The following FAM13A variants were observed in gnomAD, a reference collection of about 807,000 sequenced individuals.
The protein encoded by FAM13A is family with sequence similarity 13 member A, also known as protein FAM13A.
In FAM13A, 76 loss-of-function variants were observed where a neutral mutation model predicts 129.6. That is an observed-to-expected ratio of 0.59 (90% CI 0.49 to 0.71). The LOEUF (loss-of-function observed/expected upper bound fraction) is 0.71. FAM13A is among the 30% of genes least tolerant of loss of function. FAM13A has a pLI of 0.00. For synonymous variants in FAM13A, 443 were observed against 449.9 expected, an observed-to-expected ratio of 0.98 and a Z score of 0.20; for missense variants, 1,108 against 1,249.3, an observed-to-expected ratio of 0.89 and a Z score of 1.70.
At chr4:88,812,441 A>C (rs536417312) in intron 7 of FAM13A, among the ~76,000 whole-genome samples, 1 of 152,176 alleles carries the variant, frequency 6.6e-6, no homozygotes, top group African/African-American at 2.4e-5. Context: ...AATCTGGCAC[A>C]TGAAGTCCCT....
chr4:89,026,590 G>A (rs750747395), intron 2 of FAM13A, among the ~76,000 whole-genome samples: 3 of 152,192 alleles, frequency 2.0e-5, no homozygotes, highest in Non-Finnish European at 4.4e-5. Flanking sequence ...AAGGGAAAGC[G>A]AGGCACCTTC....
intron 4 of FAM13A, among the ~76,000 whole-genome samples, chr4:88,973,489 G>C (rs1317469728): frequency 7.9e-5 from 12 of 152,056 alleles, no homozygotes; most frequent in Non-Finnish European, 1.5e-5. Context: ...TTGATTTCTA[G>C]CATTGCTTTT....
chr4:89,053,807 C>A (rs1359258038), intron 1 of FAM13A, among the ~76,000 whole-genome samples: 1 of 152,142 alleles, frequency 6.6e-6, no homozygotes, highest in Non-Finnish European at 1.5e-5. Flanking sequence ...CATTTCAACT[C>A]CTCCTTCTTC....
Position 88,750,433 on chromosome 4 carries a change from G to A in FAM13A, c.1931C>T (p.Ser644Phe), listed in dbSNP as rs141057688. The A allele has an allele frequency of 6.2e-7, 1 of 1,613,306 alleles. No homozygotes were observed. The highest frequency in any genetic ancestry group is 8.5e-7 in the Non-Finnish European group (1 of 1,179,210). The part of the protein sequence containing the change: ...EVPPSPPNSH[S>F]FMRRRSSSLG... Reference sequence around the variant, plus strand: ...ACACAGAGAAACATACCTCATGAAAGAATGGGAGTTTGGTGGGGAAGGAGG... The same window carrying A: ...ACACAGAGAAACATACCTCATGAAAAAATGGGAGTTTGGTGGGGAAGGAGG... The change falls in exon 15 of 24, where the codon TCT becomes TTT. Residue 644 changes from serine (S) to phenylalanine (F), a missense_variant. Coordinates refer to ENST00000264344, the MANE Select transcript of FAM13A (RefSeq NM_014883.4).
intron 5 of FAM13A, among the ~76,000 whole-genome samples, chr4:88,914,334 A>G (rs2609261): frequency 0.75 from 114,219 of 152,046 alleles, 43,196 homozygotes; most frequent in Non-Finnish European, 0.79. Flanking sequence ...TCATTATTCC[A>G]ACAATAAAAT....
At chr4:88,756,579 T>C (rs1313847172) in intron 14 of FAM13A, among the ~76,000 whole-genome samples, 1 of 152,184 alleles carries the variant, frequency 6.6e-6, no homozygotes, top group East Asian at 1.9e-4. Flanking sequence ...TGTAGGTGGA[T>C]ACTGGTTCAG....
At chr4:88,785,247 C>T (rs1723734316) in intron 10 of FAM13A, among the ~76,000 whole-genome samples, 1 of 152,122 alleles carries the variant, frequency 6.6e-6, no homozygotes. Flanking sequence ...TTTTTAACCA[C>T]TTCATAAAGC....
chr4:88,997,363 G>A (rs1458675870), intron 3 of FAM13A, among the ~76,000 whole-genome samples: 1 of 152,154 alleles, frequency 6.6e-6, no homozygotes, highest in Non-Finnish European at 1.5e-5. Flanking sequence ...AATTATTCAA[G>A]TTTTCTTGAA....
chr4:88,995,209 A>C (rs1763400037), intron 3 of FAM13A, among the ~76,000 whole-genome samples: 2 of 150,022 alleles, frequency 1.3e-5, no homozygotes, highest in African/African-American at 5.0e-5. Context: ...ATATTTGTTT[A>C]TCACACACTT....
intron 6 of FAM13A, among the ~76,000 whole-genome samples, chr4:88,864,570 G>A (rs747626025): frequency 2.6e-5 from 4 of 152,066 alleles, no homozygotes; most frequent in Admixed American, 6.6e-5. Context: ...CACCACACCC[G>A]GCTAATTTTT....
At chr4:88,830,820 TC>T (rs1446280216) in intron 7 of FAM13A, among the ~76,000 whole-genome samples, 3 of 152,168 alleles carry the variant, frequency 2.0e-5, no homozygotes, top group Non-Finnish European at 4.4e-5. Context: ...AGTACATGAT[TC>T]AGGGTTCCCT....
chr4:88,954,368 C>A (rs1279698552), intron 4 of FAM13A, among the ~76,000 whole-genome samples: 1 of 152,202 alleles, frequency 6.6e-6, no homozygotes, highest in Non-Finnish European at 1.5e-5. Flanking sequence ...CTGCAGTAAA[C>A]TGCCATCTAT....
chr4:88,827,578 C>T (rs1733216642), intron 7 of FAM13A, among the ~76,000 whole-genome samples: 1 of 152,200 alleles, frequency 6.6e-6, no homozygotes, highest in South Asian at 2.1e-4. Flanking sequence ...CCAAATTTCT[C>T]TTCCTCCTGG....
chr4:88,980,680 G>A (rs1761551442), intron 4 of FAM13A, among the ~76,000 whole-genome samples: 1 of 152,110 alleles, frequency 6.6e-6, no homozygotes, highest in Non-Finnish European at 1.5e-5. Flanking sequence ...TACAGCTTGG[G>A]CTTGATTTTT....
At chr4:88,883,172 A>G (rs1008083080) in intron 6 of FAM13A, among the ~76,000 whole-genome samples, 1 of 152,178 alleles carries the variant, frequency 6.6e-6, no homozygotes, top group African/African-American at 2.4e-5. Flanking sequence ...GACTTAAAAG[A>G]TATTTACAGA....
At chr4:88,819,834 T>C (rs1394660354) in intron 7 of FAM13A, among the ~76,000 whole-genome samples, 2 of 152,218 alleles carry the variant, frequency 1.3e-5, no homozygotes, top group Non-Finnish European at 2.9e-5. Flanking sequence ...AAAAAATAAC[T>C]GGGACTGTTT....
chr4:88,818,246 C>T (rs867339620), intron 7 of FAM13A, among the ~76,000 whole-genome samples: 1 of 152,128 alleles, frequency 6.6e-6, no homozygotes, highest in African/African-American at 2.4e-5. Flanking sequence ...AGTGATCCCC[C>T]CCGGACTTGG....
chr4:88,999,935 T>A (rs1483011207), intron 3 of FAM13A, among the ~76,000 whole-genome samples: 55 of 152,212 alleles, frequency 3.6e-4, no homozygotes, highest in Non-Finnish European at 2.9e-5. Context: ...TAATACAAGT[T>A]GTATACTTTT....
In FAM13A at chr4:89,057,139, C is replaced by A; in HGVS notation, c.-175G>T. The A allele has an allele frequency of 3.5e-6, 5 of 1,438,916 alleles. No homozygotes were observed. The highest frequency in any genetic ancestry group is 4.6e-6 in the Non-Finnish European group (5 of 1,097,866). 89.1% of individuals were successfully genotyped at this position (1,438,916 alleles called of 1,614,324 possible). On this transcript the variant is annotated 5_prime_UTR_variant, in exon 1 of 24. Coordinates refer to ENST00000264344, the MANE Select transcript of FAM13A (RefSeq NM_014883.4). The stretch of plus-strand genomic sequence containing the variant: ...TAACATTTTAGGAAGAGTGGTTTTG[C>A]TTCTCTTTCCGCTGAACCCACATGG...
Sources: gnomAD v4.1 joint callset for allele counts (sites outside exome capture counted in the v4.1 genomes callset) on GRCh38, gnomAD v4.1.1 for gene constraint, MANE v1.5 for transcripts, NCBI Gene and HGNC (gene_info 2026-07-23, HGNC 2026-07-21) for gene names.